The following GRIK1 variants were observed in gnomAD, a reference collection of about 807,000 sequenced individuals.
GRIK1 encodes the protein glutamate receptor ionotropic, kainate 1.
A neutral mutation model predicts 105.7 loss-of-function variants in GRIK1; 69 were observed. The observed-to-expected ratio is 0.65, with a 90% CI of 0.54 to 0.80. The LOEUF (loss-of-function observed/expected upper bound fraction) is 0.80, where lower values mean the gene tolerates loss of function less well. GRIK1 is among the 30% of genes least tolerant of loss of function. The pLI is 0.00. For missense variants in GRIK1, 1,109 were observed against 1,167.3 expected, an observed-to-expected ratio of 0.95 and a Z score of 0.73; for synonymous variants, 438 against 431.3, an observed-to-expected ratio of 1.02 and a Z score of -0.19.
chr21:29,661,882 C>T (rs2062970825), intron 4 of GRIK1, among the ~76,000 whole-genome samples: 3 of 152,300 alleles, frequency 2.0e-5, no homozygotes, highest in Admixed American at 6.5e-5. Flanking sequence ...TTCACTTACA[C>T]GTGTTAACCA....
At position 29,581,431 on chromosome 21, in the gene GRIK1, G is replaced by A; in HGVS notation, c.1906C>T (p.Gln636Ter). 3 of 1,593,986 alleles carry A rather than the reference G, an allele frequency of 1.9e-6. No homozygotes were observed. The highest frequency in any genetic ancestry group is 2.6e-6 in the Non-Finnish European group (3 of 1,162,030). ...AGATAGGCAACCGGTGTACCTTGCT[G>A]CATGAGAGCTCCAACTCCAAACCAG... ...SFWFGVGALM[Q>*]QGSELMPKAL... Residue 636 changes from glutamine (Q) to a stop codon, truncating the protein, a stop_gained, in exon 13 of 18, where the codon CAG (glutamine) becomes TAG (stop). Coordinates refer to ENST00000327783, the MANE Select transcript of GRIK1 (RefSeq NM_001330994.2). LOFTEE classifies it high-confidence loss of function.
intron 1 of GRIK1, among the ~76,000 whole-genome samples, chr21:29,798,018 C>T (rs79415940): frequency 0.016 from 2,494 of 152,238 alleles, 65 homozygotes; most frequent in African/African-American, 0.057. Flanking sequence ...GTTTTGTACT[C>T]ATATGTAAGT....
In GRIK1 at chr21:29,781,850, TTAG is replaced by T. The variant is rs1275095135; in HGVS notation, c.119-87790_119-87788del. On this transcript the variant is annotated intron_variant, in intron 1 of 17. Coordinates refer to ENST00000327783, the MANE Select transcript of GRIK1 (RefSeq NM_001330994.2). Reference sequence around the variant, plus strand: ...CGCGCCCGGCTAATTTTTTGTATTTTTAGTAGAGACGGGGTTTCACCTTGTTAG... The same window carrying T: ...CGCGCCCGGCTAATTTTTTGTATTTTTAGAGACGGGGTTTCACCTTGTTAG... 7.3e-3 allele frequency among the ~76,000 whole-genome samples: 1,088 copies of T among 149,832 alleles called. 13 individuals carry two copies. The highest frequency in any genetic ancestry group is 0.026 in the African/African-American group (1,041 of 40,768).
intron 14 of GRIK1, among the ~76,000 whole-genome samples, chr21:29,564,905 C>T (rs1601131581): frequency 2.0e-5 from 3 of 152,328 alleles, no homozygotes; most frequent in South Asian, 4.1e-4. Flanking sequence ...TGAGCCAGCA[C>T]ACTCTTCACA....
At chr21:29,557,836 T>A (rs751668309) in intron 15 of GRIK1, among the ~76,000 whole-genome samples, 4 of 152,212 alleles carry the variant, frequency 2.6e-5, no homozygotes, top group Non-Finnish European at 4.4e-5. Flanking sequence ...TGCTTTAATG[T>A]ACATGAAAGT....
intron 1 of GRIK1, among the ~76,000 whole-genome samples, chr21:29,804,182 T>G (rs1257855957): frequency 1.3e-5 from 2 of 152,112 alleles, no homozygotes; most frequent in Admixed American, 1.3e-4. Flanking sequence ...TATCCATTTT[T>G]CCCCTAACCT....
At chr21:29,575,990 A>G (rs1270061317) in intron 14 of GRIK1, among the ~76,000 whole-genome samples, 1 of 152,078 alleles carries the variant, frequency 6.6e-6, no homozygotes, top group Admixed American at 6.6e-5. Context: ...TTTGTTTACA[A>G]CTGTTGTTTT....
intron 4 of GRIK1, among the ~76,000 whole-genome samples, chr21:29,668,779 CCTCAGTAAAATCACA>C (rs1272128207): frequency 2.0e-5 from 3 of 152,140 alleles, no homozygotes; most frequent in Non-Finnish European, 4.4e-5. Flanking sequence ...TCAGCCACTC[CCTCAGTAAAATCACA>C]CTCAGTATGA....
intron 1 of GRIK1, among the ~76,000 whole-genome samples, chr21:29,705,397 G>A (rs2063885667): frequency 6.6e-6 from 1 of 152,210 alleles, no homozygotes; most frequent in Admixed American, 6.5e-5. Context: ...AAGTCCTGCA[G>A]CAAAGAAAAC....
chr21:29,919,368 C>T (rs762265854), intron 1 of GRIK1, among the ~76,000 whole-genome samples: 7 of 152,014 alleles, frequency 4.6e-5, no homozygotes, highest in South Asian at 2.1e-4. Context: ...CTCTTGTTGG[C>T]GGAAGCATGG....
intron 1 of GRIK1, among the ~76,000 whole-genome samples, chr21:29,807,583 C>A (rs2066900230): frequency 6.6e-6 from 1 of 152,054 alleles, no homozygotes; most frequent in Non-Finnish European, 1.5e-5. Flanking sequence ...GATAGAGGAT[C>A]TGCTCTATGG....
At chr21:29,898,725 A>G (rs2070271117) in intron 1 of GRIK1, among the ~76,000 whole-genome samples, 2 of 152,258 alleles carry the variant, frequency 1.3e-5, no homozygotes, top group African/African-American at 2.4e-5. Flanking sequence ...TGCTGATAGC[A>G]TACTTTTCTT....
intron 1 of GRIK1, among the ~76,000 whole-genome samples, chr21:29,766,000 C>T (rs1018918138): frequency 1.2e-4 from 18 of 151,878 alleles, no homozygotes; most frequent in South Asian, 2.1e-4. Context: ...TACAGGCGCC[C>T]GCCACCACGC....
chr21:29,804,361 C>T (rs1232707245), intron 1 of GRIK1, among the ~76,000 whole-genome samples: 1 of 152,028 alleles, frequency 6.6e-6, no homozygotes, highest in South Asian at 2.1e-4. Flanking sequence ...AATGCTTGCA[C>T]CAAAGTGCTT....
intron 4 of GRIK1, among the ~76,000 whole-genome samples, chr21:29,668,248 T>G (rs943888677): frequency 6.6e-6 from 1 of 152,204 alleles, no homozygotes; most frequent in Non-Finnish European, 1.5e-5. Flanking sequence ...GGACAACACA[T>G]GAGTAAATGT....
At chr21:29,696,653 C>G (rs887544580) in intron 1 of GRIK1, among the ~76,000 whole-genome samples, 2 of 152,238 alleles carry the variant, frequency 1.3e-5, no homozygotes, top group African/African-American at 4.8e-5. Context: ...GTTTACTTGT[C>G]TGTCTCCTCA....
intron 1 of GRIK1, among the ~76,000 whole-genome samples, chr21:29,870,913 C>T (rs770528550): frequency 6.6e-6 from 1 of 152,026 alleles, no homozygotes; most frequent in Non-Finnish European, 1.5e-5. Context: ...ATCTAGTTTA[C>T]CGGCTTACCT....
At chr21:29,788,704 T>C (rs1386229445) in intron 1 of GRIK1, among the ~76,000 whole-genome samples, 6 of 152,220 alleles carry the variant, frequency 3.9e-5, no homozygotes, top group Non-Finnish European at 7.3e-5. Flanking sequence ...GTGAAAGCCT[T>C]GAGCTTGTTT....
At chr21:29,595,946 G>A (rs532413705) in intron 9 of GRIK1, 27 of 166,500 alleles carry the variant, frequency 1.6e-4, no homozygotes, top group East Asian at 6.8e-4. Context: ...GGTCCCTAAC[G>A]TTTGTGTCCT....
Sources: allele counts gnomAD v4.1 joint callset (sites outside exome capture counted in the v4.1 genomes callset), GRCh38; gene constraint gnomAD v4.1.1; transcripts MANE v1.5; gene names NCBI Gene and HGNC (gene_info 2026-07-23, HGNC 2026-07-21).